Variants in TAS2R1 observed in about 807,000 individuals in gnomAD.
TAS2R1 encodes the protein taste 2 receptor member 1, also known as taste receptor type 2 member 1.
For missense variants in TAS2R1, 370 were observed against 353.4 expected (o/e 1.05, Z -0.38); for synonymous variants, 141 against 134.2 (o/e 1.05, Z -0.35).
chr5:9,692,157 G>A (rs1011132452), intron 1 of TAS2R1, among the ~76,000 whole-genome samples: 12 of 152,244 alleles, frequency 7.9e-5, no homozygotes, highest in South Asian at 4.1e-4. Flanking sequence ...CCCTTGGTTC[G>A]TGTGAAAGGA....
the TAS2R1 span, among the ~76,000 whole-genome samples, chr5:9,773,829 C>A: frequency 1.4e-4 from 21 of 152,158 alleles, no homozygotes; most frequent in Non-Finnish European, 3.1e-4. Flanking sequence ...TTTTCTCCTG[C>A]TGCTTTAGGA....
the TAS2R1 span, among the ~76,000 whole-genome samples, chr5:9,786,364 A>G: frequency 1.5e-4 from 23 of 152,360 alleles, no homozygotes; most frequent in African/African-American, 5.0e-4. Flanking sequence ...CTAACTGTCT[A>G]TGAATTCATG....
At chr5:9,699,672 C>T (rs1579790039) in intron 1 of TAS2R1, among the ~76,000 whole-genome samples, 1 of 152,246 alleles carries the variant, frequency 6.6e-6, no homozygotes, top group Non-Finnish European at 1.5e-5. Flanking sequence ...TTTGCCATAT[C>T]TCTGGACAGT....
chr5:9,681,552 A>AAAAAAAAAAAAAAAAAAAAAAAAAAAAAT (rs1740997089), intron 1 of TAS2R1, among the ~76,000 whole-genome samples: 1 of 147,544 alleles, frequency 6.8e-6, no homozygotes, highest in Non-Finnish European at 1.5e-5. Context: ...AAAAAAAAAG[A>AAAAAAAAAAAAAAAAAAAAAAAAAAAAAT]TGCCCTCCCA....
the TAS2R1 span, among the ~76,000 whole-genome samples, chr5:9,779,989 A>G: frequency 6.6e-6 from 1 of 152,274 alleles, no homozygotes; most frequent in East Asian, 1.9e-4. Flanking sequence ...AGATGAACCC[A>G]CTTTTCTGTG....
chr5:9,729,377 G>T, the TAS2R1 span, among the ~76,000 whole-genome samples: 6 of 152,090 alleles, frequency 3.9e-5, no homozygotes, highest in African/African-American at 1.4e-4. Flanking sequence ...GCTGGCTCTT[G>T]CCTCCCCCAT....
the TAS2R1 span, among the ~76,000 whole-genome samples, chr5:9,800,503 C>T: frequency 6.6e-6 from 1 of 152,030 alleles, no homozygotes. Context: ...GGAAGGGCTT[C>T]CTAGCTCTTC....
chr5:9,824,555 G>A, the TAS2R1 span, among the ~76,000 whole-genome samples: 5 of 152,138 alleles, frequency 3.3e-5, no homozygotes, highest in East Asian at 9.6e-4. Context: ...TAAGGCTGTG[G>A]TCCGCCTATG....
At chr5:9,879,256 A>C in the TAS2R1 span, among the ~76,000 whole-genome samples, 1 of 152,240 alleles carries the variant, frequency 6.6e-6, no homozygotes, top group South Asian at 2.1e-4. Flanking sequence ...TCTGGGATGA[A>C]CCATATTGGA....
the TAS2R1 span, among the ~76,000 whole-genome samples, chr5:9,884,230 CTT>C: frequency 6.6e-6 from 1 of 152,038 alleles, no homozygotes; most frequent in Non-Finnish European, 1.5e-5. Context: ...AATCCCAGCA[CTT>C]TGGGAGGCGG....
chr5:9,874,303 A>G, the TAS2R1 span, among the ~76,000 whole-genome samples: 1 of 152,182 alleles, frequency 6.6e-6, no homozygotes, highest in African/African-American at 2.4e-5. Context: ...CCTTTATTTT[A>G]TAAAATTATA....
chr5:9,766,273 G>A, the TAS2R1 span, among the ~76,000 whole-genome samples: 3 of 152,344 alleles, frequency 2.0e-5, no homozygotes, highest in African/African-American at 7.2e-5. Flanking sequence ...TGAAATAAAT[G>A]TTTACAAATG....
intron 2 of TAS2R1, among the ~76,000 whole-genome samples, chr5:9,643,603 T>C (rs1740128537): frequency 6.6e-6 from 1 of 152,162 alleles, no homozygotes; most frequent in Non-Finnish European, 1.5e-5. Context: ...AATAAAGTAA[T>C]TGTGCTAGGA....
chr5:9,781,354 C>A, the TAS2R1 span, among the ~76,000 whole-genome samples: 1 of 152,328 alleles, frequency 6.6e-6, no homozygotes, highest in Admixed American at 6.5e-5. Flanking sequence ...CATCTCACAG[C>A]CTCCACTGCT....
At chr5:9,898,031 A>C in the TAS2R1 span, among the ~76,000 whole-genome samples, 1 of 152,230 alleles carries the variant, frequency 6.6e-6, no homozygotes, top group Non-Finnish European at 1.5e-5. Context: ...CGGAATTCTA[A>C]GTAAGACTGT....
chr5:9,704,353 G>A (rs1221050591), intron 1 of TAS2R1, among the ~76,000 whole-genome samples: 4 of 127,800 alleles, frequency 3.1e-5, no homozygotes, highest in Admixed American at 1.7e-4. Flanking sequence ...TGCAGCAACA[G>A]CTCCACTGAG....
chr5:9,656,941 T>C (rs911091061), intron 2 of TAS2R1, among the ~76,000 whole-genome samples: 2 of 152,164 alleles, frequency 1.3e-5, no homozygotes, highest in African/African-American at 4.8e-5. Context: ...TTGAATAAAT[T>C]ATAAATTACA....
the TAS2R1 span, among the ~76,000 whole-genome samples, chr5:9,874,993 G>A: frequency 3.3e-5 from 5 of 152,150 alleles, no homozygotes; most frequent in African/African-American, 1.2e-4. Context: ...CTCTTCTTGT[G>A]TGCTTAGGGA....
At chr5:9,675,626 A>C (rs770181371) in intron 1 of TAS2R1, among the ~76,000 whole-genome samples, 2 of 152,086 alleles carry the variant, frequency 1.3e-5, no homozygotes, top group African/African-American at 2.4e-5. Context: ...CATGTTGGCC[A>C]GGATGGTCTC....
Sources: allele counts gnomAD v4.1 joint callset (sites outside exome capture counted in the v4.1 genomes callset), GRCh38; gene constraint gnomAD v4.1.1; transcripts MANE v1.5; gene names NCBI Gene and HGNC (gene_info 2026-07-23, HGNC 2026-07-21).